Variants in LGR5 observed in about 807,000 individuals in gnomAD.
The protein encoded by LGR5 is leucine rich repeat containing G protein-coupled receptor 5.
Under a neutral mutation model 76.7 loss-of-function variants are expected in LGR5, and 54 were observed. The observed-to-expected ratio is 0.70, with a 90% CI of 0.57 to 0.88. The LOEUF (loss-of-function observed/expected upper bound fraction) is 0.88, where lower values mean the gene tolerates loss of function less well. Ranked by LOEUF, LGR5 falls within the 40% of genes least tolerant of loss-of-function variation. The probability of loss-of-function intolerance (pLI) is 0.00; values close to 1 mark genes in which losing one functional copy is unlikely to be tolerated. For missense variants in LGR5, 1,078 were observed against 1,073.3 expected (o/e 1.00, Z -0.06); for synonymous variants, 406 against 421.9 (o/e 0.96, Z 0.46).
chr12:71,512,686 C>G (rs1183908265), intron 2 of LGR5, among the ~76,000 whole-genome samples: 3 of 152,130 alleles, frequency 2.0e-5, no homozygotes, highest in African/African-American at 7.2e-5. Flanking sequence ...AGAGATGACT[C>G]TGAATAGGGT....
chr12:71,554,977 C>T (rs979181516), intron 5 of LGR5, among the ~76,000 whole-genome samples: 14 of 152,140 alleles, frequency 9.2e-5, no homozygotes, highest in African/African-American at 2.9e-4. Context: ...CACTGGCCCA[C>T]CGCTCTCTTC....
At chr12:71,452,078 C>A (rs910038263) in intron 1 of LGR5, among the ~76,000 whole-genome samples, 65 of 152,206 alleles carry the variant, frequency 4.3e-4, no homozygotes, top group Non-Finnish European at 1.8e-4. Context: ...CCTGCCTTGT[C>A]CATTCCTTCC....
chr12:71,530,786 A>T (rs1175749270), intron 3 of LGR5, among the ~76,000 whole-genome samples: 1 of 152,122 alleles, frequency 6.6e-6, no homozygotes, highest in African/African-American at 2.4e-5. Flanking sequence ...GGGTAAAACT[A>T]ACCATAGAAA....
intron 4 of LGR5, among the ~76,000 whole-genome samples, chr12:71,537,669 T>C (rs770014513): frequency 1.1e-4 from 17 of 152,196 alleles, no homozygotes; most frequent in Non-Finnish European, 2.2e-4. Flanking sequence ...ATTGTACTTC[T>C]CCTTCTTCCT....
chr12:71,439,206 T>C (rs1196324569), upstream of LGR5, among the ~76,000 whole-genome samples: 1 of 152,166 alleles, frequency 6.6e-6, no homozygotes, highest in Non-Finnish European at 1.5e-5. Flanking sequence ...TGTTTAGCGA[T>C]TAGCCTAGAG....
intron 1 of LGR5, among the ~76,000 whole-genome samples, chr12:71,495,085 G>C (rs1243927625): frequency 6.6e-6 from 1 of 150,566 alleles, no homozygotes; most frequent in African/African-American, 2.5e-5. Context: ...AGTCGGGGGG[G>C]GTCTCCTTTG....
At chr12:71,499,450 C>T (rs780188350) in intron 1 of LGR5, among the ~76,000 whole-genome samples, 2 of 151,938 alleles carry the variant, frequency 1.3e-5, no homozygotes, top group African/African-American at 2.4e-5. Flanking sequence ...CAAAGGGAAA[C>T]GGTAAGAATT....
intron 1 of LGR5, among the ~76,000 whole-genome samples, chr12:71,452,391 C>T (rs1246638830): frequency 6.6e-6 from 1 of 152,232 alleles, no homozygotes; most frequent in Non-Finnish European, 1.5e-5. Context: ...ACAGTTTTCT[C>T]TCTGGAGGGC....
intron 1 of LGR5, among the ~76,000 whole-genome samples, chr12:71,447,428 T>C (rs1482371250): frequency 6.6e-6 from 1 of 152,236 alleles, no homozygotes; most frequent in Non-Finnish European, 1.5e-5. Flanking sequence ...ACAGTACTGA[T>C]GTTTAGAAAA....
intron 1 of LGR5, among the ~76,000 whole-genome samples, chr12:71,486,262 G>C (rs556972103): frequency 1.6e-4 from 24 of 152,152 alleles, no homozygotes; most frequent in Non-Finnish European, 2.4e-4. Flanking sequence ...TCAGGTAGAT[G>C]TTGTTATCAT....
chr12:71,440,651 G>T lies in LGR5; in HGVS notation c.212+359G>T, dbSNP rs1309838976. On this transcript the variant is annotated intron_variant, in intron 1 of 17. Transcript: ENST00000266674. This position sits in a 1 kb window ranked among gnomAD's most constrained non-coding sequence, Gnocchi z 5.3. ...CCCAGAGCCTGGTACCCAAAGGCAG[G>T]CTGCCATCTGGTCCCCGCCCCAACC... is the stretch of plus-strand genomic sequence containing the variant. 4.6e-5 allele frequency among the ~76,000 whole-genome samples: 7 copies of T among 152,208 alleles called. No individual in the cohort carries two copies. Among genetic ancestry groups the T allele is most frequent in the Non-Finnish European group, 8.8e-5 (6 of 68,036 alleles).
At chr12:71,459,959 C>T (rs1872625756) in intron 1 of LGR5, among the ~76,000 whole-genome samples, 1 of 151,922 alleles carries the variant, frequency 6.6e-6, no homozygotes, top group Non-Finnish European at 1.5e-5. Context: ...TAGAACAGTG[C>T]CTGGCAGGTA....
intron 1 of LGR5, among the ~76,000 whole-genome samples, chr12:71,483,639 A>G (rs1873704898): frequency 1.3e-5 from 2 of 152,054 alleles, no homozygotes; most frequent in African/African-American, 4.8e-5. Flanking sequence ...CTGGGTTCAG[A>G]CTCTGACTCT....
chr12:71,566,617 T>C lies in LGR5; in HGVS notation c.930-15T>C. 1 of 1,603,480 alleles carries C rather than the reference T, an allele frequency of 6.2e-7. No individual in the cohort carries two copies. On this transcript the variant is annotated splice_polypyrimidine_tract_variant and intron_variant, in intron 9 of 17. Coordinates refer to ENST00000266674, the MANE Select transcript of LGR5 (RefSeq NM_003667.4). ...GAATCTTCTACCAGTAATACTTATA[T>C]ACTCCTCTTTCTAGGACTCTGAATG... is the stretch of plus-strand genomic sequence containing the variant.
At position 71,566,621 on chromosome 12, in the gene LGR5, CCTCTTT is replaced by C; in HGVS notation, c.930-8_930-3del. 1.2e-6 allele frequency: 2 copies of C among 1,607,460 alleles called. No homozygotes were observed. The highest frequency in any genetic ancestry group is 1.7e-6 in the Non-Finnish European group (2 of 1,174,252). ...CTTCTACCAGTAATACTTATATACT[CCTCTTT>C]CTAGGACTCTGAATGGTGCCTCACA... On this transcript the variant is annotated splice_region_variant and splice_polypyrimidine_tract_variant and intron_variant, in intron 9 of 17. Coordinates refer to ENST00000266674, the MANE Select transcript of LGR5 (RefSeq NM_003667.4).
At chr12:71,577,617 C>A (rs1350461504) in intron 13 of LGR5, among the ~76,000 whole-genome samples, 1 of 152,140 alleles carries the variant, frequency 6.6e-6, no homozygotes, top group African/African-American at 2.4e-5. Flanking sequence ...AGTGCTACAA[C>A]CACTCATTTT....
chr12:71,554,657 G>A (rs1320767641), intron 5 of LGR5, among the ~76,000 whole-genome samples: 2 of 152,182 alleles, frequency 1.3e-5, no homozygotes, highest in Non-Finnish European at 2.9e-5. Context: ...GACAAGGGCA[G>A]CTTGGAGGTT....
chr12:71,480,727 C>G (rs546729331), intron 1 of LGR5, among the ~76,000 whole-genome samples: 33 of 152,242 alleles, frequency 2.2e-4, no homozygotes, highest in African/African-American at 6.0e-4. Flanking sequence ...AGGACTGGAC[C>G]ATGGAGACTT....
chr12:71,573,969 T>G (rs1478229265), intron 13 of LGR5, among the ~76,000 whole-genome samples: 1 of 151,852 alleles, frequency 6.6e-6, no homozygotes, highest in East Asian at 1.9e-4. Context: ...TAAGGGTTAC[T>G]ATTTTCCTAA....
Sources: allele counts gnomAD v4.1 joint callset (sites outside exome capture counted in the v4.1 genomes callset), GRCh38; gene constraint gnomAD v4.1.1; non-coding constraint Gnocchi (gnomAD v3.1); transcripts MANE v1.5; gene names NCBI Gene and HGNC (gene_info 2026-07-23, HGNC 2026-07-21).